STARD13: variants seen among roughly 807,000 people sequenced by gnomAD.
The protein encoded by STARD13 is stAR-related lipid transfer protein 13.
A neutral mutation model predicts 106.4 loss-of-function variants in STARD13; 62 were observed. That is an observed-to-expected ratio of 0.58 (90% CI 0.48 to 0.72). The LOEUF (loss-of-function observed/expected upper bound fraction) is 0.72. Ranked by LOEUF, STARD13 falls within the 30% of genes least tolerant of loss-of-function variation. The pLI is 0.00. For synonymous variants in STARD13, 565 were observed against 553.0 expected (o/e 1.02, Z -0.31); for missense variants, 1,387 against 1,424.0 (o/e 0.97, Z 0.42).
chr13:33,573,295 A>G, the STARD13 span, among the ~76,000 whole-genome samples: 2 of 152,354 alleles, frequency 1.3e-5, no homozygotes, highest in South Asian at 2.1e-4. Flanking sequence ...CATAAAAATT[A>G]GAAGTCCATG....
intron 1 of STARD13, among the ~76,000 whole-genome samples, chr13:33,226,600 A>G (rs1888640417): frequency 6.6e-6 from 1 of 151,786 alleles, no homozygotes; most frequent in African/African-American, 2.4e-5. Context: ...ACACCTCGCT[A>G]ATTTTTTTAT....
the STARD13 span, among the ~76,000 whole-genome samples, chr13:33,541,184 T>C: frequency 1.4e-4 from 22 of 152,034 alleles, no homozygotes. Flanking sequence ...AAAAAAAAAG[T>C]AAGCAACTAA....
At chr13:33,538,395 G>T in the STARD13 span, among the ~76,000 whole-genome samples, 1 of 152,156 alleles carries the variant, frequency 6.6e-6, no homozygotes, top group Non-Finnish European at 1.5e-5. Flanking sequence ...CGAGTTCAGG[G>T]CCCACGAAAG....
the STARD13 span, among the ~76,000 whole-genome samples, chr13:33,630,468 A>G: frequency 6.6e-6 from 1 of 152,138 alleles, no homozygotes; most frequent in Non-Finnish European, 1.5e-5. Context: ...GCCACCACAT[A>G]ATGATTTTCC....
At chr13:33,662,839 G>A in the STARD13 span, among the ~76,000 whole-genome samples, 193 of 152,260 alleles carry the variant, frequency 1.3e-3, no homozygotes, top group African/African-American at 4.4e-3. Context: ...ATTTTCCCAA[G>A]GAGGAAATAT....
At chr13:33,133,564 A>G (rs976047499) in intron 4 of STARD13, among the ~76,000 whole-genome samples, 3 of 151,964 alleles carry the variant, frequency 2.0e-5, no homozygotes, top group Admixed American at 6.6e-5. Flanking sequence ...TTCACTAATG[A>G]TGGATATTTC....
At chr13:33,322,632 G>T (rs1378918793) in intron 1 of STARD13, among the ~76,000 whole-genome samples, 1 of 152,212 alleles carries the variant, frequency 6.6e-6, no homozygotes, top group African/African-American at 2.4e-5. Flanking sequence ...GACGTAAAAA[G>T]CTGCAGACGC....
chr13:33,344,460 TC>T (rs1466965131), downstream of STARD13, among the ~76,000 whole-genome samples: 3 of 152,180 alleles, frequency 2.0e-5, no homozygotes, highest in African/African-American at 7.2e-5. Context: ...TAGTTGAGTA[TC>T]ATCCTGTACT....
chr13:33,196,320 G>A (rs879829480), intron 1 of STARD13, among the ~76,000 whole-genome samples: 3 of 152,190 alleles, frequency 2.0e-5, no homozygotes, highest in Admixed American at 1.3e-4. Flanking sequence ...AACCTGGGGG[G>A]CAAAGTGAGC....
intron 1 of STARD13, among the ~76,000 whole-genome samples, chr13:33,337,777 C>T (rs1385656133): frequency 6.6e-6 from 1 of 152,222 alleles, no homozygotes; most frequent in East Asian, 1.9e-4. Flanking sequence ...AGTCATGGCT[C>T]TACAAGGAAC....
At chr13:33,624,376 G>T in the STARD13 span, among the ~76,000 whole-genome samples, 1 of 152,226 alleles carries the variant, frequency 6.6e-6, no homozygotes, top group African/African-American at 2.4e-5. Context: ...TGTGGGCCCC[G>T]CTGCGGGCAG....
chr13:33,441,382 T>C, the STARD13 span, among the ~76,000 whole-genome samples: 22,428 of 152,148 alleles, frequency 0.15, 2,473 homozygotes, highest in African/African-American at 0.32. Context: ...CTTCAATGAT[T>C]CCTCATTACT....
At chr13:33,110,579 G>A in intron 11 of STARD13, 107 bp downstream of exon 11, 1 of 906,272 alleles carries the variant, frequency 1.1e-6, no homozygotes, top group East Asian at 2.4e-5. Context: ...CTGTCCGCGT[G>A]TGTGCCAAGC....
intron 1 of STARD13, among the ~76,000 whole-genome samples, chr13:33,311,190 G>C (rs947023059): frequency 6.6e-6 from 1 of 151,504 alleles, no homozygotes; most frequent in Non-Finnish European, 1.5e-5. Context: ...CCAGCTACTC[G>C]GGAGGCTGAG....
At chr13:33,209,501 C>A (rs1233961882) in intron 1 of STARD13, among the ~76,000 whole-genome samples, 8 of 151,360 alleles carry the variant, frequency 5.3e-5, no homozygotes, top group African/African-American at 2.0e-4. Flanking sequence ...GCCAATTAAC[C>A]ATTCCAAGCA....
the STARD13 span, among the ~76,000 whole-genome samples, chr13:33,441,820 G>A: frequency 6.6e-6 from 1 of 152,070 alleles, no homozygotes; most frequent in Admixed American, 6.6e-5. Context: ...CCGGGAAAAA[G>A]CAAATCCACA....
At chr13:33,441,302 C>G in the STARD13 span, among the ~76,000 whole-genome samples, 5 of 152,198 alleles carry the variant, frequency 3.3e-5, no homozygotes, top group Non-Finnish European at 5.9e-5. Context: ...TCTTAATTCT[C>G]TCCAATCTAT....
chr13:33,661,317 G>A, the STARD13 span: 7 of 152,190 alleles, frequency 4.6e-5, no homozygotes, highest in Admixed American at 6.6e-5. Flanking sequence ...AGCAGACTTC[G>A]GTAGTTTACC....
At chr13:33,468,930 T>C in the STARD13 span, among the ~76,000 whole-genome samples, 56 of 152,222 alleles carry the variant, frequency 3.7e-4, no homozygotes, top group Non-Finnish European at 7.1e-4. Flanking sequence ...AACAGGGCCC[T>C]AGATGAAGGT....
Sources: gnomAD v4.1 joint callset for allele counts (sites outside exome capture counted in the v4.1 genomes callset) on GRCh38, gnomAD v4.1.1 for gene constraint, MANE v1.5 for transcripts, NCBI Gene and HGNC (gene_info 2026-07-23, HGNC 2026-07-21) for gene names.